Variants in OSBPL8 observed in about 807,000 individuals in gnomAD.
OSBPL8 encodes the protein oxysterol binding protein like 8, also known as oxysterol-binding protein-related protein 8.
A neutral mutation model predicts 125.5 loss-of-function variants in OSBPL8; 59 were observed. The ratio of observed to expected loss-of-function variants is 0.47; its 90% CI spans 0.38 to 0.58. OSBPL8 has a LOEUF of 0.58. OSBPL8 is among the 20% of genes least tolerant of loss of function. The pLI, the probability that OSBPL8 is intolerant of heterozygous loss-of-function variation, is 0.00. For synonymous variants in OSBPL8, 330 were observed against 338.9 expected (o/e 0.97, Z 0.29); for missense variants, 758 against 1,047.8 (o/e 0.72, Z 3.82).
At position 76,352,589 on chromosome 12, in the gene OSBPL8, T is replaced by C. The variant is rs2136100247; in HGVS notation, c.*3300A>G. The C allele has an allele frequency of 6.6e-6, 1 of 152,644 alleles. No individual in the cohort carries two copies. The highest frequency in any genetic ancestry group is 1.5e-5 in the Non-Finnish European group (1 of 67,930). The allele number at this position is 152,644 out of a possible 1,614,324, so 9.5% of individuals were successfully genotyped here. On this transcript the variant is annotated 3_prime_UTR_variant, in exon 24 of 24. Transcript: ENST00000261183. The stretch of plus-strand genomic sequence containing the variant: ...GTGGGATTTTCCCCACTGGTTCAAA[T>C]TGGAAAATTTGATATAAATCTAATA...
intron 1 of OSBPL8, among the ~76,000 whole-genome samples, chr12:76,524,462 T>C (rs1950109405): frequency 6.6e-6 from 1 of 152,220 alleles, no homozygotes; most frequent in Non-Finnish European, 1.5e-5. Flanking sequence ...GCAGGGCCTT[T>C]CCCAAATGTT....
At chr12:76,383,665 A>AT (rs1953160951) in intron 15 of OSBPL8, among the ~76,000 whole-genome samples, 5 of 152,132 alleles carry the variant, frequency 3.3e-5, no homozygotes, top group Admixed American at 3.3e-4. Flanking sequence ...TCATTTAAAT[A>AT]TTTTTTAAAA....
chr12:76,517,969 G>C (rs371563062), intron 1 of OSBPL8, among the ~76,000 whole-genome samples: 2 of 152,152 alleles, frequency 1.3e-5, no homozygotes, highest in African/African-American at 4.8e-5. Context: ...AGATGTGGAG[G>C]GGACAAACAT....
intron 2 of OSBPL8, among the ~76,000 whole-genome samples, chr12:76,476,775 CT>C (rs2136954197): frequency 6.6e-6 from 1 of 152,194 alleles, no homozygotes; most frequent in South Asian, 2.1e-4. Flanking sequence ...CTAGAAAAGA[CT>C]TCCCAAGTCT....
chr12:76,376,144 G>A (rs1043724011), intron 16 of OSBPL8, among the ~76,000 whole-genome samples: 2 of 152,168 alleles, frequency 1.3e-5, no homozygotes, highest in African/African-American at 4.8e-5. Flanking sequence ...TAACTCAGTG[G>A]TGACTTTATG....
chr12:76,443,708 T>C (rs1442714036), intron 4 of OSBPL8, among the ~76,000 whole-genome samples: 3 of 152,138 alleles, frequency 2.0e-5, no homozygotes, highest in Admixed American at 2.0e-4. Context: ...GGTTTCACCA[T>C]GTTGGCCAGG....
At chr12:76,447,900 G>A (rs1486975543) in intron 4 of OSBPL8, among the ~76,000 whole-genome samples, 1 of 152,108 alleles carries the variant, frequency 6.6e-6, no homozygotes, top group Non-Finnish European at 1.5e-5. Context: ...AGTAAACAAG[G>A]AGACTCTTTA....
chr12:76,519,672 G>A (rs1881880535), intron 1 of OSBPL8, among the ~76,000 whole-genome samples: 1 of 152,164 alleles, frequency 6.6e-6, no homozygotes, highest in Non-Finnish European at 1.5e-5. Flanking sequence ...AGGAAGAATG[G>A]TGACCACATC....
chr12:76,409,516 T>C (rs571233704), intron 5 of OSBPL8, among the ~76,000 whole-genome samples: 31 of 152,330 alleles, frequency 2.0e-4, no homozygotes, highest in East Asian at 7.7e-4. Flanking sequence ...TAAATAAATG[T>C]GTATGCTTTT....
intron 21 of OSBPL8, among the ~76,000 whole-genome samples, chr12:76,367,985 C>T (rs1206779339): frequency 6.6e-6 from 1 of 152,184 alleles, no homozygotes; most frequent in African/African-American, 2.4e-5. Context: ...ACTAAAATTA[C>T]AATAGCACTA....
intron 15 of OSBPL8, among the ~76,000 whole-genome samples, chr12:76,381,020 C>G (rs2136242060): frequency 1.3e-5 from 2 of 152,242 alleles, no homozygotes; most frequent in South Asian, 4.1e-4. Flanking sequence ...TGGTAAATTA[C>G]ATTGTTTATC....
At position 76,413,778 on chromosome 12, in the gene OSBPL8, T is replaced by TA. The variant is rs531291467; in HGVS notation, c.218-3145dup. Among the ~76,000 whole-genome samples the TA allele has an allele frequency of 7.0e-3, 1,053 of 150,054 alleles. 6 individuals are homozygous for TA. Among genetic ancestry groups the TA allele is most frequent in the Middle Eastern group, 0.038 (11 of 292 alleles). ...GAATGTCTTCAGACCTTTTGTACAT[T>TA]AAAAAAAAAATCGTCTATCTTTTCT... On this transcript the variant is annotated intron_variant, in intron 4 of 23. Coordinates refer to ENST00000261183, the MANE Select transcript of OSBPL8 (RefSeq NM_020841.5).
chr12:76,356,162 T>TGGGGGGGGTTTGGGGGGGGG (rs1951977973), intron 23 of OSBPL8, 141 bp from the exon 24 acceptor site: 2 of 136,872 alleles, frequency 1.5e-5, no homozygotes, highest in Non-Finnish European at 1.5e-5. Context: ...TATGTAGGGG[T>TGGGGGGGGTTTGGGGGGGGG]GGGGGGGGGC....
chr12:76,523,107 G>C (rs1017637810), intron 1 of OSBPL8, among the ~76,000 whole-genome samples: 1 of 152,148 alleles, frequency 6.6e-6, no homozygotes, highest in African/African-American at 2.4e-5. Context: ...CAAAGTGATA[G>C]GATTACAGGC....
At chr12:76,433,209 C>G (rs1165720150) in intron 4 of OSBPL8, among the ~76,000 whole-genome samples, 1 of 152,096 alleles carries the variant, frequency 6.6e-6, no homozygotes, top group Non-Finnish European at 1.5e-5. Context: ...TTCAACCTAG[C>G]ATTGGAAGTC....
chr12:76,507,194 G>A (rs372460368), intron 1 of OSBPL8, among the ~76,000 whole-genome samples: 2 of 151,622 alleles, frequency 1.3e-5, no homozygotes, highest in East Asian at 3.9e-4. Context: ...GGAACTGGTA[G>A]CTCATTGTCT....
At chr12:76,438,111 C>T (rs367970433) in intron 4 of OSBPL8, among the ~76,000 whole-genome samples, 16 of 151,462 alleles carry the variant, frequency 1.1e-4, no homozygotes, top group East Asian at 3.9e-4. Flanking sequence ...CTCAGCCTCT[C>T]GGGTAGCTGG....
intron 4 of OSBPL8, among the ~76,000 whole-genome samples, chr12:76,442,559 A>T (rs2136668492): frequency 6.6e-6 from 1 of 152,310 alleles, no homozygotes; most frequent in East Asian, 1.9e-4. Context: ...TTCTAAAGAA[A>T]ACAACCTCTG....
chr12:76,426,349 C>A (rs1229083173), intron 4 of OSBPL8, among the ~76,000 whole-genome samples: 1 of 152,130 alleles, frequency 6.6e-6, no homozygotes, highest in Non-Finnish European at 1.5e-5. Context: ...GTTGCCCAAT[C>A]CATGAATCGT....
Sources: allele counts gnomAD v4.1 joint callset (sites outside exome capture counted in the v4.1 genomes callset), GRCh38; gene constraint gnomAD v4.1.1; transcripts MANE v1.5; gene names NCBI Gene and HGNC (gene_info 2026-07-23, HGNC 2026-07-21).